ETV5: variants seen among roughly 807,000 people sequenced by gnomAD.
The protein encoded by ETV5 is ETS translocation variant 5.
ETV5 carries 10 observed loss-of-function variants against 70.0 expected under a neutral mutation model. That is an observed-to-expected ratio of 0.14 (90% CI 0.09 to 0.24). The LOEUF (loss-of-function observed/expected upper bound fraction) is 0.24. ETV5 is among the 10% of genes least tolerant of loss of function. ETV5 has a pLI of 1.00. For synonymous variants in ETV5, 216 were observed against 242.2 expected, an observed-to-expected ratio of 0.89 and a Z score of 1.01; for missense variants, 453 against 651.2, an observed-to-expected ratio of 0.70 and a Z score of 3.31.
chr3:186,096,415 C>A (rs957363885), intron 5 of ETV5, among the ~76,000 whole-genome samples: 1 of 152,158 alleles, frequency 6.6e-6, no homozygotes, highest in Non-Finnish European at 1.5e-5. Flanking sequence ...CATTACAAAG[C>A]ATTTCCAGGC....
chr3:186,053,530 T>C (rs968982246), intron 11 of ETV5, among the ~76,000 whole-genome samples: 3 of 152,252 alleles, frequency 2.0e-5, no homozygotes, highest in Non-Finnish European at 4.4e-5. Flanking sequence ...TTCAGGATTC[T>C]AAAATGACCT....
intron 9 of ETV5, among the ~76,000 whole-genome samples, chr3:186,061,899 A>C (rs557786962): frequency 1.3e-5 from 2 of 152,358 alleles, no homozygotes; most frequent in East Asian, 1.9e-4. Flanking sequence ...ACTTCTTTAG[A>C]TAAATCGTAA....
chr3:186,105,554 AG>A lies in ETV5; in HGVS notation c.134-59del, dbSNP rs1714567438. 2 of 1,612,380 alleles carry A rather than the reference AG, an allele frequency of 1.2e-6. No individual in the cohort carries two copies. The highest frequency in any genetic ancestry group is 1.7e-6 in the Non-Finnish European group (2 of 1,178,456). The stretch of plus-strand genomic sequence containing the variant: ...ATATTTCTTTCGCTAGGGAGAAGAC[AG>A]GGAAGAATCTACACGCTACTGTCAC... On this transcript the variant is annotated intron_variant, in intron 3 of 12. Transcript: ENST00000306376. The surrounding 1 kb of genome is among the most constrained non-coding windows in gnomAD (Gnocchi z 4.5).
intron 11 of ETV5, among the ~76,000 whole-genome samples, chr3:186,053,060 T>C (rs1169506839): frequency 6.6e-6 from 1 of 152,044 alleles, no homozygotes; most frequent in Non-Finnish European, 1.5e-5. Context: ...TAGGTCAGTT[T>C]TGGAAACTTA....
intron 9 of ETV5, chr3:186,064,210 A>T (rs1713379281): frequency 1.7e-6 from 1 of 593,796 alleles, no homozygotes; most frequent in East Asian, 2.8e-5. Flanking sequence ...TGAAGATTAC[A>T]ATCAATCAGC....
At chr3:186,086,693 T>G (rs1436635746) in intron 5 of ETV5, among the ~76,000 whole-genome samples, 1 of 151,844 alleles carries the variant, frequency 6.6e-6, no homozygotes, top group Non-Finnish European at 1.5e-5. Context: ...TGGTGGCTCA[T>G]GCCTGTAATC....
At chr3:186,065,571 A>G (rs1713420639) in intron 8 of ETV5, among the ~76,000 whole-genome samples, 1 of 152,086 alleles carries the variant, frequency 6.6e-6, no homozygotes, top group Admixed American at 6.5e-5. Context: ...ACTTCATACC[A>G]CTTCTGAATG....
chr3:186,064,568 C>A, intron 8 of ETV5, 92 bp from the exon 9 acceptor site: 2 of 1,245,798 alleles, frequency 1.6e-6, no homozygotes, highest in Non-Finnish European at 2.4e-6. Flanking sequence ...GGTAAAGCCC[C>A]TAAACTTCCT....
intron 5 of ETV5, chr3:186,084,282 TAAA>T (rs11327778): frequency 0.071 from 15,254 of 215,130 alleles, 366 homozygotes; most frequent in African/African-American, 0.18. Flanking sequence ...AAAGAAATGC[TAAA>T]AAAAAAAAAA....
intron 7 of ETV5, chr3:186,078,003 G>A (rs1169940797): frequency 1.9e-6 from 2 of 1,060,490 alleles, no homozygotes; most frequent in Non-Finnish European, 2.3e-6. Context: ...CTGCATTCTG[G>A]TTCCCTCCTC....
chr3:186,050,185 G>C (rs1455004323), intron 12 of ETV5, among the ~76,000 whole-genome samples: 5 of 152,160 alleles, frequency 3.3e-5, no homozygotes, highest in Non-Finnish European at 7.3e-5. Context: ...ATTAGAAATA[G>C]AGGCTTTGGG....
chr3:186,051,943 C>T (rs1318037682), intron 12 of ETV5, 87 bp downstream of exon 12: 13 of 1,310,774 alleles, frequency 9.9e-6, no homozygotes, highest in South Asian at 3.6e-5. Context: ...TTCCTCGTAG[C>T]GACGATCACC....
At chr3:186,099,961 T>C (rs1266155053) in intron 5 of ETV5, among the ~76,000 whole-genome samples, 4 of 152,216 alleles carry the variant, frequency 2.6e-5, no homozygotes, top group South Asian at 2.1e-4. Context: ...CAGTTTTAAA[T>C]AAGCCTAACT....
intron 9 of ETV5, among the ~76,000 whole-genome samples, chr3:186,061,104 T>C (rs564938887): frequency 5.0e-4 from 76 of 152,286 alleles, no homozygotes; most frequent in Non-Finnish European, 1.0e-3. Flanking sequence ...CAGCTACCCA[T>C]AAACACGGCT....
intron 9 of ETV5, among the ~76,000 whole-genome samples, chr3:186,058,702 T>C (rs4494964): frequency 0.86 from 130,430 of 152,154 alleles, 56,032 homozygotes; most frequent in East Asian, 0.96. Context: ...ATGTGGCTTA[T>C]GGAGGAGTAG....
intron 9 of ETV5, among the ~76,000 whole-genome samples, chr3:186,062,714 A>G (rs1435555982): frequency 6.6e-6 from 1 of 152,182 alleles, no homozygotes; most frequent in Non-Finnish European, 1.5e-5. Context: ...AGAACACATA[A>G]CAGTGTCTGA....
rs1713204563 is a variant in ETV5, at chr3:186,057,842, G to A, written c.971-351C>T. 6.6e-6 allele frequency among the ~76,000 whole-genome samples: 1 copy of A among 152,110 alleles called. No homozygotes were observed. The highest frequency in any genetic ancestry group is 2.1e-4 in the South Asian group (1 of 4,824). On this transcript the variant is annotated intron_variant, in intron 9 of 12. Coordinates refer to ENST00000306376, the MANE Select transcript of ETV5 (RefSeq NM_004454.3). This position sits in a 1 kb window ranked among gnomAD's most constrained non-coding sequence, Gnocchi z 4.9. ...CTGGAAACACATCTCTATTTCAGTT[G>A]GCCTAGCTGGATGGATTTGGTTGAT...
In ETV5 at chr3:186,057,199, T is replaced by A; in HGVS notation, c.1085A>T (p.Tyr362Phe). ...EPTMYREGPPYQRRGSLQLWQ... is the reference protein window; with the variant it reads ...EPTMYREGPPFQRRGSLQLWQ... ...CAGCTGAAGGGAACCTCGCCTCTGG[T>A]AAGGGGGCCCCTCTCGATACATGGT... Residue 362 changes from tyrosine to phenylalanine, a missense_variant, in exon 11 of 13, where the codon TAC (tyrosine) becomes TTC (phenylalanine). Around this residue, in one of 4 missense-constraint regions of ETV5, gnomAD observed 25 missense variants for 114.3 expected, o/e 0.22. Transcript: ENST00000306376. The surrounding 1 kb of genome is among the most constrained non-coding windows in gnomAD (Gnocchi z 4.9). The A allele has an allele frequency of 3.1e-6, 5 of 1,614,116 alleles. No homozygotes were observed. The highest frequency in any genetic ancestry group is 4.2e-6 in the Non-Finnish European group (5 of 1,179,992).
chr3:186,061,959 T>A (rs1713314896), intron 9 of ETV5, among the ~76,000 whole-genome samples: 1 of 152,150 alleles, frequency 6.6e-6, no homozygotes, highest in Admixed American at 6.5e-5. Context: ...AAACAGACCC[T>A]CACAAAAACC....
Sources: gnomAD v4.1 joint callset for allele counts (sites outside exome capture counted in the v4.1 genomes callset) on GRCh38, gnomAD v4.1.1 for gene constraint, gnomAD v4.1.1 regional missense constraint, Gnocchi (gnomAD v3.1) non-coding constraint, MANE v1.5 for transcripts, NCBI Gene and HGNC (gene_info 2026-07-23, HGNC 2026-07-21) for gene names.